The following SAMM50 variants were observed in gnomAD, a reference collection of about 807,000 sequenced individuals.
SAMM50 encodes sorting and assembly machinery component 50 homolog.
A neutral mutation model predicts 66.9 loss-of-function variants in SAMM50; 47 were observed. The ratio of observed to expected loss-of-function variants is 0.70; its 90% CI spans 0.56 to 0.90. The LOEUF (loss-of-function observed/expected upper bound fraction) is 0.90, where lower values mean the gene tolerates loss of function less well. Ranked by LOEUF, SAMM50 falls within the 40% of genes least tolerant of loss-of-function variation. The pLI is 0.00. For synonymous variants in SAMM50, 191 were observed against 214.1 expected (o/e 0.89, Z 0.94); for missense variants, 535 against 595.3 (o/e 0.90, Z 1.05).
chr22:43,957,278 T>C (rs753265735), intron 1 of SAMM50: 2 of 658,854 alleles, frequency 3.0e-6, no homozygotes, highest in Admixed American at 4.5e-5. Context: ...CGTGCCAAAT[T>C]CTGAAGCAAT....
chr22:43,981,496 T>A, intron 11 of SAMM50, 35 bp downstream of exon 11: 1 of 1,427,326 alleles, frequency 7.0e-7, no homozygotes, highest in Non-Finnish European at 9.9e-7. Flanking sequence ...AATTTGCACA[T>A]ATTTTCCTTT....
At chr22:43,981,191 G>A (rs1005862020) in intron 10 of SAMM50, among the ~76,000 whole-genome samples, 200 bp from the exon 11 acceptor site, 2 of 152,234 alleles carry the variant, frequency 1.3e-5, no homozygotes, top group Non-Finnish European at 2.9e-5. Flanking sequence ...TTGGAATTGC[G>A]TGTTTTAATA....
At chr22:43,957,916 G>A (rs1358566189) in intron 1 of SAMM50, among the ~76,000 whole-genome samples, 1 of 152,030 alleles carries the variant, frequency 6.6e-6, no homozygotes, top group Non-Finnish European at 1.5e-5. Flanking sequence ...CTGCCACCAT[G>A]TTCGGCTAAT....
chr22:43,981,165 T>C (rs1177595019), intron 10 of SAMM50, among the ~76,000 whole-genome samples: 1 of 152,242 alleles, frequency 6.6e-6, no homozygotes, highest in Admixed American at 6.5e-5. Context: ...GCCTTCGGTG[T>C]GTCTTGATTT....
At chr22:43,973,385 A>G in intron 7 of SAMM50, 62 bp downstream of exon 7, 1 of 999,000 alleles carries the variant, frequency 1.0e-6, no homozygotes, top group Non-Finnish European at 1.6e-6. Context: ...TTTTTCACTG[A>G]TTCCCAAAGG....
intron 14 of SAMM50, among the ~76,000 whole-genome samples, chr22:43,994,614 G>A (rs2146831315): frequency 6.6e-6 from 1 of 152,318 alleles, no homozygotes; most frequent in Non-Finnish European, 1.5e-5. Context: ...GGCAGTGGCA[G>A]TGCTGGGTGA....
intron 14 of SAMM50, among the ~76,000 whole-genome samples, chr22:43,992,434 TGGC>T (rs1303683542): frequency 6.6e-6 from 1 of 152,214 alleles, no homozygotes; most frequent in Non-Finnish European, 1.5e-5. Flanking sequence ...CCTTCAGAGA[TGGC>T]GGCGGCTGCT....
chr22:43,991,141 T>G (rs966843618), intron 14 of SAMM50, among the ~76,000 whole-genome samples: 1 of 151,986 alleles, frequency 6.6e-6, no homozygotes. Context: ...CACACCCGGC[T>G]AATTTTTTGT....
At chr22:43,968,612 T>C in intron 3 of SAMM50, 119 bp from the exon 4 acceptor site, 1 of 720,022 alleles carries the variant, frequency 1.4e-6, no homozygotes, top group Non-Finnish European at 2.5e-6. Flanking sequence ...TAGTGCTCTC[T>C]GCTCAGTGAT....
At position 43,981,553 on chromosome 22, in the gene SAMM50, T is replaced by G. The variant is rs186125301; in HGVS notation, c.1007+92T>G. On this transcript the variant is annotated intron_variant, in intron 11 of 14. Coordinates refer to ENST00000350028, the MANE Select transcript of SAMM50 (RefSeq NM_015380.5). ...ATAAGATATTTTAGAGAAGTTTATTTAGGAGAGCATAGTATTTCAAATATT... is the reference window on the plus strand; with the variant it reads ...ATAAGATATTTTAGAGAAGTTTATTGAGGAGAGCATAGTATTTCAAATATT... The G allele has an allele frequency of 2.7e-3, 2,333 of 858,322 alleles. 12 individuals are homozygous for G. The highest frequency in any genetic ancestry group is 3.9e-3 in the Non-Finnish European group (1,992 of 515,822). The allele number at this position is 858,322 out of a possible 1,614,324, so 53.2% of individuals were successfully genotyped here. A position where few individuals can be genotyped will look rare whatever the true frequency, so the allele number is the denominator to read the frequency against.
intron 12 of SAMM50, among the ~76,000 whole-genome samples, chr22:43,984,882 G>A (rs1461832388): frequency 6.6e-6 from 1 of 151,078 alleles, no homozygotes; most frequent in Non-Finnish European, 1.5e-5. Context: ...CACCGGCCTT[G>A]GCCTTCTAAA....
At position 43,989,133 on chromosome 22, in the gene SAMM50, G is replaced by A. The variant is rs371328273; in HGVS notation, c.1098G>A (p.Ala366=). ...TAGGAGACTACCTAGGTGGAGAAGC[G>A]TACTGGGCCGGCGGCCTGCACCTCT... is the stretch of plus-strand genomic sequence containing the variant. The part of the protein sequence containing the change: ...QSEGDYLGGE[A]YWAGGLHLYT... Residue 366 remains alanine (A), a synonymous_variant, in exon 13 of 15, where the codon GCG becomes GCA. Transcript: ENST00000350028. 7.7e-5 allele frequency: 125 copies of A among 1,613,954 alleles called. No homozygotes were observed. Among genetic ancestry groups the A allele is most frequent in the African/African-American group, 9.3e-5 (7 of 74,892 alleles).
chr22:43,960,558 G>C (rs1238308436), intron 1 of SAMM50, among the ~76,000 whole-genome samples: 1 of 152,000 alleles, frequency 6.6e-6, no homozygotes, highest in Non-Finnish European at 1.5e-5. Context: ...GCGAAACCCC[G>C]TCTCTACTAA....
At chr22:43,984,698 G>A (rs779585691) in intron 12 of SAMM50, among the ~76,000 whole-genome samples, 5 of 151,192 alleles carry the variant, frequency 3.3e-5, no homozygotes, top group Admixed American at 6.6e-5. Flanking sequence ...GCACGATCTC[G>A]GCTCACTGCA....
Position 43,990,353 on chromosome 22 carries a change from C to T in SAMM50, c.1311C>T (p.Ile437=), listed in dbSNP as rs749218118. ...GGATTGTCCTCAGGCTTGGCAACAT[C>T]GCTCGGTTGGAACTTAATTACTGCG... ...GAGIVLRLGN[I]ARLELNYCVP... is the part of the protein sequence containing the mutation. The change falls in exon 14 of 15, where the codon ATC becomes ATT. Residue 437 remains isoleucine, a synonymous_variant. Coordinates refer to ENST00000350028, the MANE Select transcript of SAMM50 (RefSeq NM_015380.5). 16 of 1,614,048 alleles carry T rather than the reference C, an allele frequency of 9.9e-6. No homozygotes were observed. Among genetic ancestry groups the T allele is most frequent in the Non-Finnish European group, 1.3e-5 (15 of 1,180,022 alleles).
chr22:43,990,966 A>G (rs745322756), intron 14 of SAMM50, among the ~76,000 whole-genome samples: 1 of 141,746 alleles, frequency 7.1e-6, no homozygotes, highest in Non-Finnish European at 1.5e-5. Context: ...TATTTCTTAC[A>G]TGCATTGTGT....
intron 1 of SAMM50, among the ~76,000 whole-genome samples, chr22:43,962,308 C>A (rs147396094): frequency 6.6e-6 from 1 of 152,048 alleles, no homozygotes; most frequent in Admixed American, 6.6e-5. Context: ...TCCTCCTGAA[C>A]GCATATCACT....
intron 13 of SAMM50, among the ~76,000 whole-genome samples, chr22:43,989,481 C>T (rs918660117): frequency 6.6e-6 from 1 of 151,926 alleles, no homozygotes; most frequent in African/African-American, 2.4e-5. Flanking sequence ...GGACTACAGG[C>T]GCGTGCCATC....
At chr22:43,962,881 A>ATTTT (rs58022542) in intron 1 of SAMM50, among the ~76,000 whole-genome samples, 1,044 of 65,480 alleles carry the variant, frequency 0.016, 162 homozygotes, top group African/African-American at 0.041. Context: ...CTTTTGGTTA[A>ATTTT]TTTTTTTTTT....
Sources: gnomAD v4.1 joint callset for allele counts (sites outside exome capture counted in the v4.1 genomes callset) on GRCh38, gnomAD v4.1.1 for gene constraint, MANE v1.5 for transcripts, NCBI Gene and HGNC (gene_info 2026-07-23, HGNC 2026-07-21) for gene names.